The following LRRIQ3 variants were observed in gnomAD, a reference collection of about 807,000 sequenced individuals.
LRRIQ3 encodes the protein leucine rich repeats and IQ motif containing 3.
A neutral mutation model predicts 59.3 loss-of-function variants in LRRIQ3; 75 were observed. The observed-to-expected ratio is 1.26, with a 90% confidence interval of 1.05 to 1.53. The LOEUF is 1.53. Ranked by LOEUF, LRRIQ3 falls within the 40% of genes most tolerant of loss-of-function variation. The pLI, the probability that LRRIQ3 is intolerant of heterozygous loss-of-function variation, is 0.00. For synonymous variants in LRRIQ3, 250 were observed against 231.3 expected (o/e 1.08, Z -0.73); for missense variants, 831 against 710.0 (o/e 1.17, Z -1.94).
At chr1:74,155,644 A>C (rs892988109) in intron 4 of LRRIQ3, 89 bp downstream of exon 4, 1 of 1,285,474 alleles carries the variant, frequency 7.8e-7, no homozygotes, top group Non-Finnish European at 1.1e-6. Context: ...AGAATACAAA[A>C]ATGCAAATTA....
chr1:74,096,316 T>G (rs1258550574), intron 5 of LRRIQ3, among the ~76,000 whole-genome samples: 61 of 152,248 alleles, frequency 4.0e-4, no homozygotes, highest in Non-Finnish European at 1.2e-4. Flanking sequence ...ATTGGTATGG[T>G]GGATCCTTTA....
At position 74,083,567 on chromosome 1, in the gene LRRIQ3, T is replaced by C. The variant is rs551661053; in HGVS notation, c.868-8777A>G. The stretch of plus-strand genomic sequence containing the variant: ...GCAAAACCCAGGCTTATATGGAGTA[T>C]CTAAAAAACTATCTTAACTAGACCA... On this transcript the variant is annotated intron_variant, in intron 5 of 7. Coordinates refer to ENST00000354431, the MANE Select transcript of LRRIQ3 (RefSeq NM_001105659.2). 2.0e-5 allele frequency: 3 copies of C among 151,874 alleles called. No homozygotes were observed. In the Admixed American group the frequency reaches 2.0e-4, roughly 10 times the overall value. 9.4% of individuals were successfully genotyped at this position (151,874 alleles called of 1,614,324 possible).
intron 6 of LRRIQ3, among the ~76,000 whole-genome samples, chr1:74,061,409 T>G (rs1654717854): frequency 6.6e-6 from 1 of 152,180 alleles, no homozygotes; most frequent in African/African-American, 2.4e-5. Context: ...CCTATCAAAT[T>G]ATCAATGACA....
intron 6 of LRRIQ3, among the ~76,000 whole-genome samples, chr1:74,058,490 TA>T (rs1654604030): frequency 6.6e-6 from 1 of 152,130 alleles, no homozygotes; most frequent in Admixed American, 6.6e-5. Context: ...TATTACATGT[TA>T]TCTTGCATAT....
intron 3 of LRRIQ3, among the ~76,000 whole-genome samples, chr1:74,161,556 G>A (rs1648659187): frequency 6.6e-6 from 1 of 151,866 alleles, no homozygotes; most frequent in Admixed American, 6.6e-5. Flanking sequence ...TGGTGGCAAG[G>A]GGATGGGGGT....
intron 4 of LRRIQ3, 61 bp from the exon 5 acceptor site, chr1:74,109,614 T>G: frequency 1.5e-6 from 2 of 1,376,350 alleles, no homozygotes; most frequent in South Asian, 1.4e-5. Flanking sequence ...AACATGAAAA[T>G]TAGTCATGAG....
intron 4 of LRRIQ3, 55 bp from the exon 5 acceptor site, chr1:74,109,608 T>C (rs969658534): frequency 1.4e-6 from 2 of 1,409,422 alleles, no homozygotes; most frequent in Non-Finnish European, 1.9e-6. Context: ...TTAAAAAACA[T>C]GAAAATTAGT....
intron 3 of LRRIQ3, among the ~76,000 whole-genome samples, chr1:74,168,111 G>T (rs1649101776): frequency 1.3e-5 from 2 of 152,010 alleles, no homozygotes; most frequent in East Asian, 1.9e-4. Context: ...GGTTAATAGG[G>T]TGCTCGTATT....
chr1:74,032,316 A>G (rs1440444542), intron 7 of LRRIQ3, among the ~76,000 whole-genome samples: 3 of 152,040 alleles, frequency 2.0e-5, no homozygotes, highest in African/African-American at 7.2e-5. Flanking sequence ...TTTACCCATA[A>G]ATGTATTGGC....
Position 74,109,273 on chromosome 1 carries a change from G to A in LRRIQ3, c.867+121C>T, listed in dbSNP as rs1007473064. 4 of 749,002 alleles carry A rather than the reference G, an allele frequency of 5.3e-6. No individual in the cohort carries two copies. In the Admixed American group the frequency reaches 1.1e-4, roughly 20 times the overall value. The allele number at this position is 749,002 out of a possible 1,614,324, so 46.4% of individuals were successfully genotyped here. A position where few individuals can be genotyped will look rare whatever the true frequency, so the allele number is the denominator to read the frequency against. On this transcript the variant is annotated intron_variant, in intron 5 of 7. Coordinates refer to ENST00000354431, the MANE Select transcript of LRRIQ3 (RefSeq NM_001105659.2). ...TTTTCAATCAAAAAATATAAAGCAG[G>A]ATATTAACAATGTAATGAAGGACAT...
chr1:74,084,204 A>AT (rs771217102), intron 5 of LRRIQ3: 91 of 1,538,772 alleles, frequency 5.9e-5, no homozygotes, highest in East Asian at 1.7e-4. Context: ...TTGACCCATA[A>AT]TTTTTTTTTA....
intron 4 of LRRIQ3, among the ~76,000 whole-genome samples, chr1:74,109,828 T>C (rs1049795123): frequency 6.6e-5 from 10 of 151,788 alleles, no homozygotes; most frequent in African/African-American, 2.2e-4. Context: ...TAATAAATAA[T>C]GGGAAGGAGA....
chr1:74,143,958 C>T (rs1489077720), intron 4 of LRRIQ3, among the ~76,000 whole-genome samples: 2 of 151,602 alleles, frequency 1.3e-5, no homozygotes, highest in Non-Finnish European at 3.0e-5. Context: ...TGTGATAATG[C>T]TATTTTGAGT....
rs1651355958 is a variant in LRRIQ3 at position 74,198,118 on chromosome 1, C to G, written c.-123G>C. The G allele has an allele frequency of 2.1e-6, 3 of 1,402,368 alleles. No individual in the cohort carries two copies. Among genetic ancestry groups the G allele is most frequent in the Non-Finnish European group, 1.9e-6 (2 of 1,063,154 alleles). The allele number at this position is 1,402,368 out of a possible 1,614,324, so 86.9% of individuals were successfully genotyped here. ...CGTTGCTAGAGAAACAAGACAACAT[C>G]CAAGTTCTCCACATCATGGTTTTCC... On this transcript the variant is annotated 5_prime_UTR_variant, in exon 1 of 8. Transcript: ENST00000354431.
intron 6 of LRRIQ3, among the ~76,000 whole-genome samples, chr1:74,071,145 G>T (rs1421411598): frequency 6.6e-5 from 10 of 151,172 alleles, no homozygotes; most frequent in Non-Finnish European, 1.3e-4. Flanking sequence ...ACTATCTATT[G>T]TCTATCATCT....
chr1:74,070,928 T>C (rs1204855842), intron 6 of LRRIQ3, among the ~76,000 whole-genome samples: 1 of 151,320 alleles, frequency 6.6e-6, no homozygotes, highest in African/African-American at 2.4e-5. Flanking sequence ...ACCTTACCTA[T>C]TGCATGCCTT....
intron 4 of LRRIQ3, chr1:74,138,578 T>C (rs1313213712): frequency 1.3e-6 from 1 of 752,426 alleles, no homozygotes; most frequent in Non-Finnish European, 1.6e-6. Flanking sequence ...AAATGGCCTT[T>C]GTTTAAACAA....
At chr1:74,136,375 C>T (rs1458435423) in intron 4 of LRRIQ3, among the ~76,000 whole-genome samples, 1 of 151,886 alleles carries the variant, frequency 6.6e-6, no homozygotes, top group South Asian at 2.1e-4. Context: ...CCAATTAATT[C>T]TGTAAGACCA....
intron 4 of LRRIQ3, among the ~76,000 whole-genome samples, chr1:74,149,285 T>A (rs1303741873): frequency 6.6e-6 from 1 of 152,200 alleles, no homozygotes; most frequent in Non-Finnish European, 1.5e-5. Flanking sequence ...GAATCATGCA[T>A]CAGTAAATTC....
Sources: gnomAD v4.1 joint callset for allele counts (sites outside exome capture counted in the v4.1 genomes callset) on GRCh38, gnomAD v4.1.1 for gene constraint, MANE v1.5 for transcripts, NCBI Gene and HGNC (gene_info 2026-07-23, HGNC 2026-07-21) for gene names.